Variants in EBF1 observed in about 807,000 individuals in gnomAD.
The protein encoded by EBF1 is transcription factor COE1.
EBF1 carries 10 observed loss-of-function variants against 68.4 expected under a neutral mutation model. That is an observed-to-expected ratio of 0.15 (90% CI 0.09 to 0.25). The LOEUF (loss-of-function observed/expected upper bound fraction) is 0.25, where lower values mean the gene tolerates loss of function less well. Ranked by LOEUF, EBF1 falls within the 10% of genes least tolerant of loss-of-function variation. The probability of loss-of-function intolerance (pLI) is 1.00; values close to 1 mark genes in which losing one functional copy is unlikely to be tolerated. For synonymous variants in EBF1, 298 were observed against 299.8 expected (o/e 0.99, Z 0.06); for missense variants, 509 against 794.4 (o/e 0.64, Z 4.32).
At chr5:158,776,060 T>C (rs1276721697) in intron 10 of EBF1, among the ~76,000 whole-genome samples, 1 of 152,124 alleles carries the variant, frequency 6.6e-6, no homozygotes, top group Non-Finnish European at 1.5e-5. Flanking sequence ...ACTAACAAAG[T>C]GCTGACTTTG....
chr5:158,703,504 A>G (rs186444057), intron 15 of EBF1, among the ~76,000 whole-genome samples: 1 of 151,884 alleles, frequency 6.6e-6, no homozygotes, highest in Admixed American at 6.6e-5. Context: ...ATAGTGATCC[A>G]GGGAGCACCA....
At chr5:158,824,721 G>A (rs1394766639) in intron 7 of EBF1, among the ~76,000 whole-genome samples, 2 of 152,244 alleles carry the variant, frequency 1.3e-5, no homozygotes, top group African/African-American at 4.8e-5. Context: ...CAGCTAAGCT[G>A]GGCAGAGGGG....
chr5:158,967,490 C>T (rs148334524), intron 6 of EBF1, among the ~76,000 whole-genome samples: 50 of 152,258 alleles, frequency 3.3e-4, no homozygotes, highest in African/African-American at 1.1e-3. Flanking sequence ...CAATGCTTTC[C>T]CTATCAAAAC....
Position 158,697,696 on chromosome 5 carries a change from GA to G in EBF1, c.*1414del. Reference sequence around the variant, plus strand: ...CGCAGTAAAATCTTTTTGTGATATTGAAAAAATGTCTTAAGACATTAAAATG... The same window carrying G: ...CGCAGTAAAATCTTTTTGTGATATTGAAAAATGTCTTAAGACATTAAAATG... On this transcript the variant is annotated 3_prime_UTR_variant, in exon 16 of 16. Transcript: ENST00000313708. 1 of 203,744 alleles carries G rather than the reference GA, an allele frequency of 4.9e-6. No homozygotes were observed. The highest frequency in any genetic ancestry group is 6.0e-5 in the Admixed American group (1 of 16,742). 12.6% of individuals were successfully genotyped at this position (203,744 alleles called of 1,614,324 possible).
intron 15 of EBF1, 49 bp from the exon 16 acceptor site, chr5:158,699,191 T>A: frequency 6.4e-7 from 1 of 1,561,562 alleles, no homozygotes; most frequent in Non-Finnish European, 8.7e-7. Flanking sequence ...TTCAAACTTC[T>A]CACTGAGAAA....
intron 6 of EBF1, among the ~76,000 whole-genome samples, chr5:158,885,797 G>A (rs1408674102): frequency 6.6e-6 from 1 of 152,202 alleles, no homozygotes; most frequent in Non-Finnish European, 1.5e-5. Flanking sequence ...AGCACCGAAG[G>A]CTATGTCAAC....
intron 9 of EBF1, among the ~76,000 whole-genome samples, chr5:158,788,715 CATTG>C (rs1284749767): frequency 1.3e-5 from 2 of 152,248 alleles, no homozygotes; most frequent in Admixed American, 6.5e-5. Flanking sequence ...TGAATTCTGT[CATTG>C]ATTCATATGA....
chr5:158,724,137 C>T (rs757223518), intron 11 of EBF1, among the ~76,000 whole-genome samples: 32 of 152,240 alleles, frequency 2.1e-4, no homozygotes, highest in Admixed American at 5.2e-4. Context: ...CATTCCATAG[C>T]TTGTGTTTTT....
In EBF1 at chr5:158,840,388, T is replaced by C. The variant is rs182972341; in HGVS notation, c.555-278A>G. 2.3e-4 allele frequency among the ~76,000 whole-genome samples: 35 copies of C among 152,298 alleles called. 1 individual carries two copies. Among genetic ancestry groups the C allele is most frequent in the African/African-American group, 7.7e-4 (32 of 41,570 alleles). Reference sequence around the variant, plus strand: ...TTTTCACTCATACAGAGGGAAAGCTTTCATCATAATTTAAGTTAGGTTCCA... The same window carrying C: ...TTTTCACTCATACAGAGGGAAAGCTCTCATCATAATTTAAGTTAGGTTCCA... On this transcript the variant is annotated intron_variant, in intron 6 of 15. Coordinates refer to ENST00000313708, the MANE Select transcript of EBF1 (RefSeq NM_024007.5).
At chr5:158,877,804 A>T (rs992388971) in intron 6 of EBF1, among the ~76,000 whole-genome samples, 1 of 152,058 alleles carries the variant, frequency 6.6e-6, no homozygotes, top group African/African-American at 2.4e-5. Context: ...CACAATTTCC[A>T]TGGCTTCCTT....
chr5:158,849,005 A>C (rs1474980052), intron 6 of EBF1, among the ~76,000 whole-genome samples: 1 of 152,226 alleles, frequency 6.6e-6, no homozygotes, highest in African/African-American at 2.4e-5. Flanking sequence ...CAGAGAGTCC[A>C]ATATGTAGTG....
intron 6 of EBF1, among the ~76,000 whole-genome samples, chr5:158,901,579 G>A (rs1803346163): frequency 6.6e-6 from 1 of 152,172 alleles, no homozygotes; most frequent in African/African-American, 2.4e-5. Flanking sequence ...TTGGCGATAA[G>A]TTCAGTTAGT....
chr5:159,043,907 G>A (rs1045666204), intron 6 of EBF1, among the ~76,000 whole-genome samples: 49 of 152,008 alleles, frequency 3.2e-4, no homozygotes, highest in African/African-American at 1.1e-3. Context: ...CTATTAACTG[G>A]CACTTGTGCA....
intron 10 of EBF1, among the ~76,000 whole-genome samples, chr5:158,742,049 G>T (rs1766524752): frequency 6.6e-6 from 1 of 152,132 alleles, no homozygotes; most frequent in South Asian, 2.1e-4. Context: ...TCAAACCCAG[G>T]CAGTCTGCCT....
rs1050050145 is a variant in EBF1, at chr5:159,052,942, T to C, written c.554+20454A>G. Among the ~76,000 whole-genome samples, 12 of 152,346 alleles carry C rather than the reference T, an allele frequency of 7.9e-5. No homozygotes were observed. The East Asian group carries it at 2.3e-3, about 29-fold the overall frequency. ...TTATGCAGGGCCATGTGGCCTTTCT[T>C]CCATCTTTAAAAAGTCTGGGGCACC... On this transcript the variant is annotated intron_variant, in intron 6 of 15. Coordinates refer to ENST00000313708, the MANE Select transcript of EBF1 (RefSeq NM_024007.5).
chr5:159,075,713 C>T (rs1407610348), intron 5 of EBF1, among the ~76,000 whole-genome samples: 3 of 152,166 alleles, frequency 2.0e-5, no homozygotes, highest in Non-Finnish European at 4.4e-5. Context: ...ATCTCACTGC[C>T]CAAGACTTTT....
chr5:158,752,605 T>C (rs1242802015), intron 10 of EBF1, among the ~76,000 whole-genome samples: 1 of 152,128 alleles, frequency 6.6e-6, no homozygotes, highest in East Asian at 1.9e-4. Context: ...TACATTTCGT[T>C]ACTGAGTGAG....
At chr5:158,869,491 C>A (rs1796491892) in intron 6 of EBF1, among the ~76,000 whole-genome samples, 1 of 151,956 alleles carries the variant, frequency 6.6e-6, no homozygotes. Flanking sequence ...ATCCTTGAGA[C>A]CCTCCTATTT....
chr5:158,817,783 C>T (rs1323696328), intron 8 of EBF1, among the ~76,000 whole-genome samples: 5 of 152,190 alleles, frequency 3.3e-5, no homozygotes, highest in African/African-American at 1.2e-4. Flanking sequence ...TCTCTATTCA[C>T]ATCATATATT....
Sources: gnomAD v4.1 joint callset for allele counts (sites outside exome capture counted in the v4.1 genomes callset) on GRCh38, gnomAD v4.1.1 for gene constraint, MANE v1.5 for transcripts, NCBI Gene and HGNC (gene_info 2026-07-23, HGNC 2026-07-21) for gene names.